Variants in SYNPR observed in about 807,000 individuals in gnomAD.
SYNPR encodes synaptoporin.
Under a neutral mutation model 32.9 loss-of-function variants are expected in SYNPR, and 23 were observed. That is an observed-to-expected ratio of 0.70 (90% confidence interval 0.50 to 0.99). SYNPR has a LOEUF of 0.99. Ranked by LOEUF, SYNPR falls within the 50% of genes least tolerant of loss-of-function variation. The pLI, the probability that SYNPR is intolerant of heterozygous loss-of-function variation, is 0.00. For missense variants in SYNPR, 318 were observed against 349.3 expected (o/e 0.91, Z 0.71); for synonymous variants, 146 against 135.9 (o/e 1.07, Z -0.52).
In SYNPR at chr3:63,549,702, T is replaced by G. The variant is rs2106818447; in HGVS notation, c.210-6841T>G. Among the ~76,000 whole-genome samples, 3 of 152,310 alleles carry G rather than the reference T, an allele frequency of 2.0e-5. No homozygotes were observed. In the Middle Eastern group the frequency reaches 0.01, roughly 518 times the overall value. Reference sequence around the variant, plus strand: ...TGCTCCAGTCCCCTGAAAGGATAGTTGCATTTAATATTACTCCAGACCCTA... The same window carrying G: ...TGCTCCAGTCCCCTGAAAGGATAGTGGCATTTAATATTACTCCAGACCCTA... On this transcript the variant is annotated intron_variant, in intron 3 of 5. Transcript: ENST00000478300.
intron 3 of SYNPR, among the ~76,000 whole-genome samples, chr3:63,553,679 A>AT (rs563645248): frequency 1.3e-3 from 195 of 152,094 alleles, no homozygotes; most frequent in African/African-American, 4.4e-3. Flanking sequence ...GAAGATGAGT[A>AT]TTTTTTAATA....
intron 2 of SYNPR, among the ~76,000 whole-genome samples, chr3:63,450,806 G>A (rs934043560): frequency 5.3e-5 from 8 of 152,148 alleles, no homozygotes; most frequent in Admixed American, 2.0e-4. Context: ...CAGGAGATGG[G>A]GCTCACACTG....
In SYNPR at chr3:63,479,444, A is replaced by ATG. The variant is rs1362531133; in HGVS notation, c.85-1387_85-1386dup. 1.2e-3 allele frequency among the ~76,000 whole-genome samples: 162 copies of ATG among 131,970 alleles called. 1 individual carries two copies. Among genetic ancestry groups the ATG allele is most frequent in the African/African-American group, 4.0e-3 (140 of 34,726 alleles). 86.6% of individuals were successfully genotyped at this position (131,970 alleles called of 152,430 possible). A position where few individuals can be genotyped will look rare whatever the true frequency, so the allele number is the denominator to read the frequency against. ...CTAGTCACTTAAAACTGCCACACACATGCACACACACATACACACACACAC... is the reference window on the plus strand; with the variant it reads ...CTAGTCACTTAAAACTGCCACACACATGTGCACACACACATACACACACACAC... On this transcript the variant is annotated intron_variant, in intron 2 of 5. Coordinates refer to ENST00000478300, the MANE Select transcript of SYNPR (RefSeq NM_001130003.2).
chr3:63,405,436 C>A (rs1260420600), intron 2 of SYNPR, among the ~76,000 whole-genome samples: 1 of 152,044 alleles, frequency 6.6e-6, no homozygotes, highest in Non-Finnish European at 1.5e-5. Flanking sequence ...TCTGTGCTTT[C>A]CACTCCTTCA....
chr3:63,229,601 T>C (rs1312886654), intron 1 of SYNPR, among the ~76,000 whole-genome samples: 1 of 152,158 alleles, frequency 6.6e-6, no homozygotes, highest in African/African-American at 2.4e-5. Flanking sequence ...GAACCAGAAA[T>C]TGGATTCAAA....
At chr3:63,331,840 T>C (rs1163485430) in intron 2 of SYNPR, among the ~76,000 whole-genome samples, 2 of 152,078 alleles carry the variant, frequency 1.3e-5, no homozygotes, top group Non-Finnish European at 2.9e-5. Flanking sequence ...TCAACAAATA[T>C]CTACTGAGTT....
intron 2 of SYNPR, among the ~76,000 whole-genome samples, chr3:63,286,260 A>G (rs2086680001): frequency 6.6e-6 from 1 of 151,976 alleles, no homozygotes; most frequent in Non-Finnish European, 1.5e-5. Context: ...CTAATGGAAG[A>G]ATTGCAAGCA....
intron 2 of SYNPR, chr3:63,426,602 C>A (rs55640230): frequency 0.13 from 20,305 of 152,116 alleles, 1,445 homozygotes; most frequent in Middle Eastern, 0.17. Flanking sequence ...TGCATGTACA[C>A]AAAATGGCGG....
intron 4 of SYNPR, among the ~76,000 whole-genome samples, chr3:63,577,242 G>C (rs76941749): frequency 0.02 from 3,008 of 152,228 alleles, 108 homozygotes; most frequent in African/African-American, 0.068. Context: ...TCAGATCTTA[G>C]AAACTGAAAT....
In SYNPR at chr3:63,596,459, G is replaced by T. The variant is rs535733943; in HGVS notation, c.409-12666G>T. On this transcript the variant is annotated intron_variant, in intron 4 of 5. Transcript: ENST00000478300. ...ACCAGCCACCAGCCTGCCATGTCTT[G>T]TTAACAGAGTGGTCAAGCCAGCCTT... Among the ~76,000 whole-genome samples the T allele has an allele frequency of 2.7e-4, 41 of 151,636 alleles. 2 individuals are homozygous for T. The South Asian group carries it at 8.6e-3, about 32-fold the overall frequency.
chr3:63,230,260 G>A (rs1237275683), intron 1 of SYNPR, among the ~76,000 whole-genome samples: 1 of 152,166 alleles, frequency 6.6e-6, no homozygotes, highest in Non-Finnish European at 1.5e-5. Context: ...GGCACAGCAT[G>A]TCTAGGTCCT....
the SYNPR span, among the ~76,000 whole-genome samples, chr3:63,204,126 T>C: frequency 6.6e-6 from 1 of 152,172 alleles, no homozygotes; most frequent in Non-Finnish European, 1.5e-5. Context: ...AACATCAGCC[T>C]ACCTCACCCC....
intron 3 of SYNPR, among the ~76,000 whole-genome samples, chr3:63,503,806 A>T (rs1012002186): frequency 2.1e-4 from 32 of 152,256 alleles, no homozygotes; most frequent in African/African-American, 7.5e-4. Context: ...TAATGTTAGA[A>T]TTATATGTAT....
At chr3:63,303,677 A>G (rs1307951650) in intron 2 of SYNPR, among the ~76,000 whole-genome samples, 1 of 152,090 alleles carries the variant, frequency 6.6e-6, no homozygotes, top group Admixed American at 6.6e-5. Context: ...AGAAATGCTT[A>G]TCTCATAGAT....
intron 3 of SYNPR, among the ~76,000 whole-genome samples, chr3:63,488,685 A>ATTG (rs1276017288): frequency 6.9e-6 from 1 of 144,506 alleles, no homozygotes; most frequent in Non-Finnish European, 1.5e-5. Context: ...AGTTGCTATC[A>ATTG]TTGTTGTTGT....
intron 2 of SYNPR, among the ~76,000 whole-genome samples, chr3:63,385,743 G>A (rs572432714): frequency 1.3e-5 from 2 of 152,326 alleles, no homozygotes; most frequent in East Asian, 3.9e-4. Context: ...GTGAGGTCAG[G>A]TGGAAGAGAA....
chr3:63,319,673 A>G (rs1367018184), intron 2 of SYNPR, among the ~76,000 whole-genome samples: 1 of 152,070 alleles, frequency 6.6e-6, no homozygotes, highest in African/African-American at 2.4e-5. Flanking sequence ...CATTGAAAAA[A>G]AAATTGTTAA....
intron 4 of SYNPR, among the ~76,000 whole-genome samples, chr3:63,598,241 T>C (rs1213647022): frequency 6.6e-6 from 1 of 152,220 alleles, no homozygotes; most frequent in African/African-American, 2.4e-5. Context: ...TAGAAAGAGA[T>C]GGAGACAGGT....
At chr3:63,465,826 T>C in intron 2 of SYNPR, among the ~76,000 whole-genome samples, 1 of 152,352 alleles carries the variant, frequency 6.6e-6, no homozygotes, top group East Asian at 1.9e-4. Context: ...TAATCTCATA[T>C]TTTTATAGTT....
Sources: gnomAD v4.1 joint callset for allele counts (sites outside exome capture counted in the v4.1 genomes callset) on GRCh38, gnomAD v4.1.1 for gene constraint, MANE v1.5 for transcripts, NCBI Gene and HGNC (gene_info 2026-07-23, HGNC 2026-07-21) for gene names.